TBCD: variants seen among roughly 807,000 people sequenced by gnomAD.
The protein encoded by TBCD is tubulin folding cofactor D.
In TBCD, 105 loss-of-function variants were observed where a neutral mutation model predicts 169.3. The observed-to-expected ratio is 0.62, with a 90% CI of 0.53 to 0.73. The LOEUF (loss-of-function observed/expected upper bound fraction) is 0.73. Among genes scored for constraint, TBCD ranks in the 30% least tolerant of loss-of-function variants. The pLI, the probability that TBCD is intolerant of heterozygous loss-of-function variation, is 0.00. For synonymous variants in TBCD, 700 were observed against 643.9 expected (o/e 1.09, Z -1.32); for missense variants, 1,444 against 1,600.1 (o/e 0.90, Z 1.66).
At chr17:82,801,149 G>A (rs1447827638) in intron 9 of TBCD, among the ~76,000 whole-genome samples, 153 bp downstream of exon 9, 3 of 141,968 alleles carry the variant, frequency 2.1e-5, no homozygotes, top group Admixed American at 7.0e-5. Context: ...GGAGGCAGGC[G>A]CCATGGGGTG....
chr17:82,763,481 C>G (rs1012549615), intron 2 of TBCD, among the ~76,000 whole-genome samples: 2 of 152,154 alleles, frequency 1.3e-5, no homozygotes, highest in African/African-American at 4.8e-5. Context: ...GGGCTCACAC[C>G]TGTAATCCCA....
intron 30 of TBCD, 60 bp from the exon 31 acceptor site, chr17:82,929,053 T>G: frequency 6.4e-7 from 1 of 1,571,872 alleles, no homozygotes; most frequent in East Asian, 2.3e-5. Context: ...TGTGCTCAGT[T>G]TACCGCCCGC....
intron 17 of TBCD, 169 bp from the exon 18 acceptor site, chr17:82,900,482 G>C: frequency 1.6e-6 from 1 of 613,110 alleles, no homozygotes; most frequent in Non-Finnish European, 2.9e-6. Flanking sequence ...TGTGTGCACA[G>C]ATGCTCTTTT....
chr17:82,810,612 G>A (rs756145277), intron 12 of TBCD, among the ~76,000 whole-genome samples: 1 of 152,200 alleles, frequency 6.6e-6, no homozygotes, highest in Admixed American at 6.5e-5. Context: ...GTCCTGCCCT[G>A]GTGTGCTCAC....
intron 13 of TBCD, among the ~76,000 whole-genome samples, chr17:82,828,685 A>T (rs2053178812): frequency 1.3e-5 from 2 of 151,002 alleles, no homozygotes; most frequent in South Asian, 4.2e-4. Context: ...CACAGAATCG[A>T]GTGTGCACAC....
At position 82,925,961 on chromosome 17, in the gene TBCD, G is replaced by A. The variant is rs555112220; in HGVS notation, c.2380-439G>A. ...GGGTGTCCTTCCTGGGTTGTACTGG[G>A]GGCCGTGGAGAGGCTGGAGGTGACC... is the stretch of plus-strand genomic sequence containing the variant. On this transcript the variant is annotated intron_variant, in intron 27 of 38. Coordinates refer to ENST00000355528, the MANE Select transcript of TBCD (RefSeq NM_005993.5). Among the ~76,000 whole-genome samples the A allele has an allele frequency of 8.9e-4, 108 of 121,766 alleles. 5 individuals carry two copies. Among genetic ancestry groups the A allele is most frequent in the Non-Finnish European group, 1.4e-3 (80 of 55,186 alleles). The allele number at this position is 121,766 out of a possible 152,430, so 79.9% of individuals were successfully genotyped here.
rs1196459554 is a variant in TBCD, at chr17:82,831,560, G to A, written c.1318+16626G>A. ...AACCTGTAGTGATCGTATGTGGCTG[G>A]AGATGGAGCCAGGTGCTTAGGGATC... On this transcript the variant is annotated intron_variant, in intron 13 of 38. Transcript: ENST00000355528. The surrounding 1 kb of genome is among the most constrained non-coding windows in gnomAD (Gnocchi z 4.6). 6.2e-7 allele frequency: 1 copy of A among 1,614,062 alleles called. No homozygotes were observed. The highest frequency in any genetic ancestry group is 1.3e-5 in the African/African-American group (1 of 74,922).
At chr17:82,838,321 A>G (rs1177663853) in intron 13 of TBCD, among the ~76,000 whole-genome samples, 1 of 141,992 alleles carries the variant, frequency 7.0e-6, no homozygotes, top group African/African-American at 2.6e-5. Context: ...AAAATAGACA[A>G]GAGAAAGAGT....
intron 14 of TBCD, 83 bp downstream of exon 14, chr17:82,870,463 C>CA: frequency 6.7e-7 from 1 of 1,491,618 alleles, no homozygotes; most frequent in Non-Finnish European, 9.0e-7. Context: ...GAGGTGTGCA[C>CA]AGCAGATGCT....
chr17:82,899,323 G>C (rs112727217), intron 17 of TBCD, among the ~76,000 whole-genome samples: 2 of 150,482 alleles, frequency 1.3e-5, no homozygotes, highest in Non-Finnish European at 3.0e-5. Context: ...TCCTCAGCGC[G>C]CGCGTCCTCA....
chr17:82,931,500 G>T (rs997640730), intron 33 of TBCD, among the ~76,000 whole-genome samples: 3 of 152,170 alleles, frequency 2.0e-5, no homozygotes, highest in African/African-American at 7.2e-5. Context: ...ATTCCTCCGT[G>T]CCGGTCGCTC....
chr17:82,938,383 G>T (rs1487556602), intron 36 of TBCD, among the ~76,000 whole-genome samples: 1 of 152,186 alleles, frequency 6.6e-6, no homozygotes, highest in Non-Finnish European at 1.5e-5. Context: ...TGACCTGGCG[G>T]TGGGATCTGG....
At position 82,889,624 on chromosome 17, in the gene TBCD, A is replaced by C. The variant is rs1009501997; in HGVS notation, c.1534-44A>C. On this transcript the variant is annotated intron_variant, in intron 15 of 38. Coordinates refer to ENST00000355528, the MANE Select transcript of TBCD (RefSeq NM_005993.5). This position sits in a 1 kb window ranked among gnomAD's most constrained non-coding sequence, Gnocchi z 5.3. ...CTGAACTTGCCTCTGGTGTTGGCGGAAGCTGACCTCGCTCACCTGCTGTGT... is the reference window on the plus strand; with the variant it reads ...CTGAACTTGCCTCTGGTGTTGGCGGCAGCTGACCTCGCTCACCTGCTGTGT... 6.2e-7 allele frequency: 1 copy of C among 1,613,448 alleles called. No homozygotes were observed. The highest frequency in any genetic ancestry group is 8.5e-7 in the Non-Finnish European group (1 of 1,179,616).
At chr17:82,760,909 C>G (rs1213093391) in intron 2 of TBCD, among the ~76,000 whole-genome samples, 2 of 150,502 alleles carry the variant, frequency 1.3e-5, no homozygotes, top group Non-Finnish European at 2.9e-5. Context: ...CACTTAGCAT[C>G]ATGTCTATGA....
rs1295301419 is a variant in TBCD at position 82,920,734 on chromosome 17, A to G, written c.2101+116A>G. On this transcript the variant is annotated intron_variant, in intron 24 of 38. Coordinates refer to ENST00000355528, the MANE Select transcript of TBCD (RefSeq NM_005993.5). This position sits in a 1 kb window ranked among gnomAD's most constrained non-coding sequence, Gnocchi z 4.1. ...AACGATTATAGCTTAAAGGTTCAAG[A>G]TATTAATCGGATACGTTGCCTTGAA... 6.3e-6 allele frequency: 6 copies of G among 956,878 alleles called. No homozygotes were observed. The highest frequency in any genetic ancestry group is 4.6e-5 in the South Asian group (3 of 64,848). The allele number at this position is 956,878 out of a possible 1,614,324, so 59.3% of individuals were successfully genotyped here. A position where few individuals can be genotyped will look rare whatever the true frequency, so the allele number is the denominator to read the frequency against.
At position 82,793,788 on chromosome 17, in the gene TBCD, T is replaced by C. The variant is rs557660742; in HGVS notation, c.772-3969T>C. Among the ~76,000 whole-genome samples, 1,518 of 151,928 alleles carry C rather than the reference T, an allele frequency of 1.0e-2. 21 individuals are homozygous for C. Among genetic ancestry groups the C allele is most frequent in the African/African-American group, 0.035 (1,443 of 41,368 alleles). On this transcript the variant is annotated intron_variant, in intron 7 of 38. Transcript: ENST00000355528. Reference sequence around the variant, plus strand: ...AGAGTGGCTTTGAACATGGCTGCCCTCCGTGTGCTGAGCCTGCGGGGGCAC... The same window carrying C: ...AGAGTGGCTTTGAACATGGCTGCCCCCCGTGTGCTGAGCCTGCGGGGGCAC...
At chr17:82,863,693 C>A (rs920892354) in intron 13 of TBCD, among the ~76,000 whole-genome samples, 8 of 152,160 alleles carry the variant, frequency 5.3e-5, no homozygotes, top group African/African-American at 1.4e-4. Flanking sequence ...AACTGGGCGC[C>A]TTCCCTGGTC....
At chr17:82,808,924 G>A (rs1436532492) in intron 11 of TBCD, among the ~76,000 whole-genome samples, 1 of 151,512 alleles carries the variant, frequency 6.6e-6, no homozygotes, top group Non-Finnish European at 1.5e-5. Flanking sequence ...GGATAAGGCA[G>A]GTGCAGGGGC....
chr17:82,859,131 C>G (rs552924847), intron 13 of TBCD, among the ~76,000 whole-genome samples: 1 of 151,532 alleles, frequency 6.6e-6, no homozygotes, highest in South Asian at 2.1e-4. Flanking sequence ...GCTCTGTGTC[C>G]TCCCTACACT....
Sources: allele counts gnomAD v4.1 joint callset (sites outside exome capture counted in the v4.1 genomes callset), GRCh38; gene constraint gnomAD v4.1.1; non-coding constraint Gnocchi (gnomAD v3.1); transcripts MANE v1.5; gene names NCBI Gene and HGNC (gene_info 2026-07-23, HGNC 2026-07-21).